The following TAFA5 variants were observed in gnomAD, a reference collection of about 807,000 sequenced individuals.
TAFA5 encodes the protein chemokine-like protein TAFA-5.
Under a neutral mutation model 15.3 loss-of-function variants are expected in TAFA5, and 6 were observed. The observed-to-expected ratio is 0.39, with a 90% CI of 0.21 to 0.77. The LOEUF is 0.77. Among genes scored for constraint, TAFA5 ranks in the 30% least tolerant of loss-of-function variants. The pLI is 0.41. For missense variants in TAFA5, 161 were observed against 193.1 expected, an observed-to-expected ratio of 0.83 and a Z score of 0.98; for synonymous variants, 103 against 80.7, an observed-to-expected ratio of 1.28 and a Z score of -1.48.
intron 2 of TAFA5, among the ~76,000 whole-genome samples, chr22:48,655,885 G>T (rs1927226232): frequency 7.4e-6 from 1 of 134,734 alleles, no homozygotes; most frequent in Non-Finnish European, 1.5e-5. Context: ...TGTTACCCAG[G>T]CTGGAGTGCA....
rs1569056626 is a variant in TAFA5 at position 48,633,539 on chromosome 22, C to CTCTCTCTCTCTCTCTCTCTCTCTCT, written c.113-13058_113-13057insTCTCTCTCTCTCTCTCTCTCTCTCT. Among the ~76,000 whole-genome samples, 10 of 128,814 alleles carry CTCTCTCTCTCTCTCTCTCTCTCTCT rather than the reference C, an allele frequency of 7.8e-5. No homozygotes were observed. In the East Asian group the frequency reaches 1.1e-3, roughly 14 times the overall value. 84.5% of individuals were successfully genotyped at this position (128,814 alleles called of 152,430 possible). ...CTGTCTGTCTGTCTGTCTGTCTCTC[C>CTCTCTCTCTCTCTCTCTCTCTCTCT]CTCTCTCTCTCTCTCTCTCCATCTC... is the stretch of plus-strand genomic sequence containing the variant. On this transcript the variant is annotated intron_variant, in intron 1 of 3. Coordinates refer to ENST00000402357, the MANE Select transcript of TAFA5 (RefSeq NM_001082967.3).
intron 1 of TAFA5, among the ~76,000 whole-genome samples, chr22:48,589,103 G>C (rs1053260509): frequency 2.0e-5 from 3 of 152,210 alleles, no homozygotes; most frequent in African/African-American, 7.2e-5. Flanking sequence ...TGTCCCCAGG[G>C]AATGCCTGCA....
chr22:48,514,438 A>G (rs902639847), intron 1 of TAFA5, among the ~76,000 whole-genome samples: 10 of 152,224 alleles, frequency 6.6e-5, no homozygotes, highest in Admixed American at 3.9e-4. Context: ...TAACTTCGCC[A>G]TGACTTTTGA....
intron 1 of TAFA5, among the ~76,000 whole-genome samples, chr22:48,640,268 G>T (rs961215655): frequency 6.6e-6 from 1 of 152,164 alleles, no homozygotes; most frequent in Non-Finnish European, 1.5e-5. Context: ...CTGGAGGGTG[G>T]AGGGTCCCAC....
At chr22:48,671,194 AG>A (rs1569073029) in intron 2 of TAFA5, among the ~76,000 whole-genome samples, 1 of 152,150 alleles carries the variant, frequency 6.6e-6, no homozygotes, top group Non-Finnish European at 1.5e-5. Flanking sequence ...CACCCTGCTA[AG>A]CTTCCCCAGG....
chr22:48,601,268 GTCTC>G (rs1171658124), intron 1 of TAFA5, among the ~76,000 whole-genome samples: 1 of 152,124 alleles, frequency 6.6e-6, no homozygotes, highest in Non-Finnish European at 1.5e-5. Flanking sequence ...GGAGGCTTCT[GTCTC>G]TCTCCACATA....
At chr22:48,643,914 C>A (rs1020175280) in intron 1 of TAFA5, among the ~76,000 whole-genome samples, 2 of 152,234 alleles carry the variant, frequency 1.3e-5, no homozygotes, top group East Asian at 3.8e-4. Context: ...ACCTGCAGAG[C>A]TTAACACAGC....
At chr22:48,746,356 T>C (rs1381135144) in intron 3 of TAFA5, among the ~76,000 whole-genome samples, 1 of 152,014 alleles carries the variant, frequency 6.6e-6, no homozygotes, top group Non-Finnish European at 1.5e-5. Flanking sequence ...CAGCTGGACA[T>C]GGTGGCACGT....
intron 2 of TAFA5, among the ~76,000 whole-genome samples, chr22:48,701,605 G>A (rs902273756): frequency 6.6e-6 from 1 of 152,214 alleles, no homozygotes; most frequent in Non-Finnish European, 1.5e-5. Context: ...CCATTCAAGG[G>A]TCGCCCAACC....
At chr22:48,576,748 C>T (rs915706208) in intron 1 of TAFA5, among the ~76,000 whole-genome samples, 2 of 151,536 alleles carry the variant, frequency 1.3e-5, no homozygotes, top group South Asian at 4.1e-4. Flanking sequence ...GCCCGACCCC[C>T]CGCGGATCTC....
intron 1 of TAFA5, among the ~76,000 whole-genome samples, chr22:48,590,137 G>A (rs1297769455): frequency 6.6e-6 from 1 of 152,176 alleles, no homozygotes; most frequent in East Asian, 1.9e-4. Flanking sequence ...CCGTCAGCAT[G>A]AAGGGGAAGA....
At chr22:48,533,606 C>A (rs1370713031) in intron 1 of TAFA5, among the ~76,000 whole-genome samples, 1 of 152,132 alleles carries the variant, frequency 6.6e-6, no homozygotes, top group Non-Finnish European at 1.5e-5. Context: ...GCAGTGAGGC[C>A]CTCGGGAGAT....
At chr22:48,551,544 C>T (rs1445695577) in intron 1 of TAFA5, among the ~76,000 whole-genome samples, 1 of 152,206 alleles carries the variant, frequency 6.6e-6, no homozygotes. Context: ...TCAAGAATTC[C>T]GCTCCAGAAC....
At chr22:48,624,983 C>T (rs1197938017) in intron 1 of TAFA5, among the ~76,000 whole-genome samples, 2 of 151,966 alleles carry the variant, frequency 1.3e-5, no homozygotes, top group Non-Finnish European at 2.9e-5. Flanking sequence ...GGTGTGGTGG[C>T]GGGCACCTGT....
At chr22:48,680,754 C>T (rs1928157825) in intron 2 of TAFA5, among the ~76,000 whole-genome samples, 1 of 152,250 alleles carries the variant, frequency 6.6e-6, no homozygotes, top group Admixed American at 6.5e-5. Flanking sequence ...ATCCAGATGT[C>T]CTGGCTCTTC....
rs139394341 is a variant in TAFA5 at position 48,539,311 on chromosome 22, C to T, written c.112+49607C>T. 1.8e-3 allele frequency: 831 copies of T among 466,314 alleles called. 5 individuals carry two copies. Among genetic ancestry groups the T allele is most frequent in the Middle Eastern group, 0.011 (33 of 3,010 alleles). The allele number at this position is 466,314 out of a possible 1,614,324, so 28.9% of individuals were successfully genotyped here. A position where few individuals can be genotyped will look rare whatever the true frequency, so the allele number is the denominator to read the frequency against. On this transcript the variant is annotated intron_variant, in intron 1 of 3. Coordinates refer to ENST00000402357, the MANE Select transcript of TAFA5 (RefSeq NM_001082967.3). ...CGGACTCCTAAATTGGTTTATTTGC[C>T]AGATAATCGGAGGCAAAGCCGATAC... is the stretch of plus-strand genomic sequence containing the variant.
intron 1 of TAFA5, among the ~76,000 whole-genome samples, chr22:48,516,398 G>C (rs867164893): frequency 6.6e-6 from 1 of 151,666 alleles, no homozygotes; most frequent in African/African-American, 2.4e-5. Context: ...TCGGGGCCGC[G>C]TGGTTTTGGT....
intron 3 of TAFA5, among the ~76,000 whole-genome samples, chr22:48,709,343 C>T (rs1052074733): frequency 1.3e-5 from 2 of 152,234 alleles, no homozygotes; most frequent in African/African-American, 4.8e-5. Flanking sequence ...ATGCACAGTG[C>T]TCTACCATGT....
chr22:48,661,667 C>G (rs183734496), intron 2 of TAFA5, among the ~76,000 whole-genome samples: 6 of 152,144 alleles, frequency 3.9e-5, no homozygotes, highest in Non-Finnish European at 8.8e-5. Context: ...GAGGAGATGC[C>G]GGGGGCTCGT....
Sources: allele counts gnomAD v4.1 joint callset (sites outside exome capture counted in the v4.1 genomes callset), GRCh38; gene constraint gnomAD v4.1.1; transcripts MANE v1.5; gene names NCBI Gene and HGNC (gene_info 2026-07-23, HGNC 2026-07-21).